The following LRP1B variants were observed in gnomAD, a reference collection of about 807,000 sequenced individuals.
LRP1B encodes the protein LDL receptor related protein 1B.
A neutral mutation model predicts 556.6 loss-of-function variants in LRP1B; 217 were observed. That is an observed-to-expected ratio of 0.39 (90% confidence interval 0.35 to 0.44). The LOEUF (loss-of-function observed/expected upper bound fraction) is 0.44. Among genes scored for constraint, LRP1B ranks in the 20% least tolerant of loss-of-function variants. The pLI is 1.00. For synonymous variants in LRP1B, 2,047 were observed against 1,865.8 expected, an observed-to-expected ratio of 1.10 and a Z score of -2.50; for missense variants, 5,053 against 5,620.8, an observed-to-expected ratio of 0.90 and a Z score of 3.23.
At chr2:141,487,411 A>C (rs1683160715) in intron 2 of LRP1B, among the ~76,000 whole-genome samples, 1 of 152,100 alleles carries the variant, frequency 6.6e-6, no homozygotes, top group Non-Finnish European at 1.5e-5. Flanking sequence ...GCTAATTTCT[A>C]CTTCCTCTGA....
At chr2:140,929,756 T>TCACACACACACA (rs3063648) in intron 20 of LRP1B, among the ~76,000 whole-genome samples, 3,061 of 139,268 alleles carry the variant, frequency 0.022, 60 homozygotes, top group Middle Eastern at 0.059. Flanking sequence ...TCATATAGAC[T>TCACACACACACA]CACACACACA....
Position 141,920,677 on chromosome 2 carries a change from T to C in LRP1B, c.83-110276A>G, listed in dbSNP as rs1700162448. ...TCTTTATGTTTGTCCCTGTACTTTT[T>C]AAAGCTTTTGAAAGCTATGTATACA... is the stretch of plus-strand genomic sequence containing the variant. On this transcript the variant is annotated intron_variant, in intron 1 of 90. Coordinates refer to ENST00000389484, the MANE Select transcript of LRP1B (RefSeq NM_018557.3). Among the ~76,000 whole-genome samples the C allele has an allele frequency of 1.3e-5, 2 of 152,038 alleles. 1 individual carries two copies. Among genetic ancestry groups the C allele is most frequent in the South Asian group, 4.1e-4 (2 of 4,826 alleles).
At chr2:141,157,161 A>G (rs897327633) in intron 7 of LRP1B, among the ~76,000 whole-genome samples, 2 of 152,164 alleles carry the variant, frequency 1.3e-5, no homozygotes, top group Admixed American at 1.3e-4. Context: ...GTGTAACAGG[A>G]TATCAATTTT....
intron 11 of LRP1B, among the ~76,000 whole-genome samples, chr2:141,023,402 T>C (rs1308394404): frequency 6.6e-6 from 1 of 151,856 alleles, no homozygotes; most frequent in Non-Finnish European, 1.5e-5. Flanking sequence ...ATAAATAACA[T>C]ATAATAAAAT....
chr2:141,929,565 A>T (rs2104991352), intron 1 of LRP1B, among the ~76,000 whole-genome samples: 1 of 152,028 alleles, frequency 6.6e-6, no homozygotes, highest in Middle Eastern at 3.4e-3. Flanking sequence ...TTACTCTTTC[A>T]TGGGAAAATG....
chr2:141,716,247 C>G (rs1031156389), intron 2 of LRP1B, among the ~76,000 whole-genome samples: 1 of 152,192 alleles, frequency 6.6e-6, no homozygotes, highest in Admixed American at 6.5e-5. Flanking sequence ...CTATAAAGGG[C>G]ATTAGAAACA....
At chr2:140,286,374 CT>C (rs754809766) in intron 84 of LRP1B, among the ~76,000 whole-genome samples, 2 of 151,826 alleles carry the variant, frequency 1.3e-5, no homozygotes, top group African/African-American at 4.8e-5. Flanking sequence ...AGGAAAATCA[CT>C]TGGGAAGCAA....
At chr2:140,354,377 A>G (rs1682115733) in intron 75 of LRP1B, among the ~76,000 whole-genome samples, 1 of 152,092 alleles carries the variant, frequency 6.6e-6, no homozygotes, top group Non-Finnish European at 1.5e-5. Flanking sequence ...TACTTTGCCT[A>G]AGAACACATA....
At chr2:140,697,109 C>T (rs1686457262) in intron 41 of LRP1B, among the ~76,000 whole-genome samples, 1 of 152,134 alleles carries the variant, frequency 6.6e-6, no homozygotes, top group Non-Finnish European at 1.5e-5. Flanking sequence ...TCTTGGCCAT[C>T]ATGTTTCACT....
intron 3 of LRP1B, among the ~76,000 whole-genome samples, chr2:141,391,537 G>A (rs891479526): frequency 1.3e-5 from 2 of 152,062 alleles, no homozygotes; most frequent in African/African-American, 4.8e-5. Context: ...AAGGGTAAAT[G>A]AAGAGCCTCA....
intron 67 of LRP1B, among the ~76,000 whole-genome samples, chr2:140,380,386 C>G (rs1683418951): frequency 6.6e-6 from 1 of 152,162 alleles, no homozygotes; most frequent in Admixed American, 6.5e-5. Context: ...CTAGCAATAT[C>G]TATTTTATTA....
At chr2:141,928,461 T>G (rs965023665) in intron 1 of LRP1B, among the ~76,000 whole-genome samples, 1 of 152,178 alleles carries the variant, frequency 6.6e-6, no homozygotes, top group East Asian at 1.9e-4. Flanking sequence ...AAACAACAAC[T>G]GTCATTGGCT....
intron 3 of LRP1B, among the ~76,000 whole-genome samples, chr2:141,330,838 C>A (rs1298498755): frequency 6.6e-6 from 1 of 151,584 alleles, no homozygotes; most frequent in African/African-American, 2.4e-5. Flanking sequence ...CTGCAAGCTC[C>A]GCCTCCCAGG....
chr2:140,415,787 G>A (rs1390589165), intron 66 of LRP1B, among the ~76,000 whole-genome samples: 7 of 104,812 alleles, frequency 6.7e-5, no homozygotes, highest in Non-Finnish European at 1.1e-4. Context: ...TAACTCTCTT[G>A]TCTTTTGCCA....
chr2:140,486,969 T>C (rs553757635), intron 58 of LRP1B, among the ~76,000 whole-genome samples: 1 of 152,024 alleles, frequency 6.6e-6, no homozygotes, highest in Non-Finnish European at 1.5e-5. Context: ...AAGTAATTGA[T>C]GGGTTTCATT....
At position 141,569,869 on chromosome 2, in the gene LRP1B, G is replaced by A. The variant is rs574435500; in HGVS notation, c.206-89336C>T. 1.3e-4 allele frequency among the ~76,000 whole-genome samples: 20 copies of A among 151,262 alleles called. 2 individuals are homozygous for A. The highest frequency in any genetic ancestry group is 2.7e-4 in the Non-Finnish European group (18 of 67,502). Reference sequence around the variant, plus strand: ...TCTAAGAAAGCAAGTGAGAAAAATTGAGAACACAGTTTTTTATATTTAATT... The same window carrying A: ...TCTAAGAAAGCAAGTGAGAAAAATTAAGAACACAGTTTTTTATATTTAATT... On this transcript the variant is annotated intron_variant, in intron 2 of 90. Coordinates refer to ENST00000389484, the MANE Select transcript of LRP1B (RefSeq NM_018557.3).
rs76997838 is a variant in LRP1B at position 141,033,800 on chromosome 2, T to A, written c.1790-13698A>T. Reference sequence around the variant, plus strand: ...TCTGCTGGCACCTTGTTGAAGTACCTCCTACCTCTAGAACTGTGAACAATA... The same window carrying A: ...TCTGCTGGCACCTTGTTGAAGTACCACCTACCTCTAGAACTGTGAACAATA... On this transcript the variant is annotated intron_variant, in intron 11 of 90. Transcript: ENST00000389484. Among the ~76,000 whole-genome samples, 1,481 of 152,234 alleles carry A rather than the reference T, an allele frequency of 9.7e-3. 25 individuals carry two copies. The highest frequency in any genetic ancestry group is 0.033 in the African/African-American group (1,360 of 41,556).
chr2:141,485,648 G>T (rs771088101), intron 2 of LRP1B, among the ~76,000 whole-genome samples: 2 of 152,050 alleles, frequency 1.3e-5, no homozygotes, highest in Admixed American at 6.6e-5. Context: ...GATCATTTGT[G>T]CAGTGAAAAT....
At chr2:141,851,780 GGTC>G in intron 1 of LRP1B, among the ~76,000 whole-genome samples, 1 of 151,694 alleles carries the variant, frequency 6.6e-6, no homozygotes, top group South Asian at 2.1e-4. Context: ...ACATGGACAA[GGTC>G]AGTCCAAATA....
Sources: allele counts gnomAD v4.1 joint callset (sites outside exome capture counted in the v4.1 genomes callset), GRCh38; gene constraint gnomAD v4.1.1; transcripts MANE v1.5; gene names NCBI Gene and HGNC (gene_info 2026-07-23, HGNC 2026-07-21).